Variants in WWOX observed in about 807,000 individuals in gnomAD.
The protein encoded by WWOX is WW domain-containing oxidoreductase.
In WWOX, 69 loss-of-function variants were observed where a neutral mutation model predicts 46.2. That is an observed-to-expected ratio of 1.49 (90% confidence interval 1.23 to 1.82). The LOEUF is 1.82. Among genes scored for constraint, WWOX ranks in the 40% most tolerant of loss-of-function variants. WWOX has a pLI of 0.00. For missense variants in WWOX, 919 were observed against 542.6 expected, an observed-to-expected ratio of 1.69 and a Z score of -6.89; for synonymous variants, 359 against 202.6, an observed-to-expected ratio of 1.77 and a Z score of -6.56.
rs115174427 is a variant in WWOX, at chr16:79,143,645, G to A, written c.1057-67963G>A. Among the ~76,000 whole-genome samples, 379 of 152,266 alleles carry A rather than the reference G, an allele frequency of 2.5e-3. 1 individual carries two copies. Among genetic ancestry groups the A allele is most frequent in the African/African-American group, 8.6e-3 (358 of 41,544 alleles). On this transcript the variant is annotated intron_variant, in intron 8 of 8. Coordinates refer to ENST00000566780, the MANE Select transcript of WWOX (RefSeq NM_016373.4). ...CAATAAATAGAGTATTCGCCAATAT[G>A]TATAGAGTGCCCATTATGTTTCACA...
intron 4 of WWOX, among the ~76,000 whole-genome samples, chr16:78,141,714 A>C (rs2033994386): frequency 6.6e-6 from 1 of 152,178 alleles, no homozygotes; most frequent in Non-Finnish European, 1.5e-5. Flanking sequence ...TTAGGAATAA[A>C]AATATGCATA....
At chr16:78,261,342 G>T (rs75109509) in intron 5 of WWOX, among the ~76,000 whole-genome samples, 1 of 150,584 alleles carries the variant, frequency 6.6e-6, no homozygotes, top group Non-Finnish European at 1.5e-5. Flanking sequence ...TACTTTTAAT[G>T]TATGGTAAGC....
rs556682239 is a variant in WWOX, at chr16:78,640,591, A to G, written c.1056+207839A>G. On this transcript the variant is annotated intron_variant, in intron 8 of 8. Transcript: ENST00000566780. ...AAACCACCATGGCACACATTTACCTATGTAACAAACCTACACATCCTGCAC... is the reference window on the plus strand; with the variant it reads ...AAACCACCATGGCACACATTTACCTGTGTAACAAACCTACACATCCTGCAC... 3.0e-4 allele frequency among the ~76,000 whole-genome samples: 46 copies of G among 152,230 alleles called. 1 individual carries two copies. The highest frequency in any genetic ancestry group is 8.3e-4 in the South Asian group (4 of 4,824).
At chr16:78,825,588 C>T in intron 8 of WWOX, 3 of 535,026 alleles carry the variant, frequency 5.6e-6, no homozygotes, top group East Asian at 5.0e-5. Flanking sequence ...CAGGTCGAGT[C>T]TGCAGTACAA....
intron 8 of WWOX, among the ~76,000 whole-genome samples, chr16:78,632,768 G>T (rs1460684286): frequency 6.6e-6 from 1 of 151,626 alleles, no homozygotes; most frequent in Admixed American, 6.6e-5. Flanking sequence ...ATGTTGGTCA[G>T]ACTGGTCTCG....
chr16:79,185,712 C>G (rs80343133), intron 8 of WWOX, among the ~76,000 whole-genome samples: 5 of 152,040 alleles, frequency 3.3e-5, no homozygotes, highest in Non-Finnish European at 7.4e-5. Context: ...TCTGTGTTGT[C>G]TTGAGAGCAG....
At chr16:78,265,067 C>T (rs1181056142) in intron 5 of WWOX, among the ~76,000 whole-genome samples, 3 of 145,406 alleles carry the variant, frequency 2.1e-5, no homozygotes, top group East Asian at 2.1e-4. Context: ...GTGGCACGAT[C>T]TCAGCTCACT....
chr16:78,762,492 T>C (rs1264228930), intron 8 of WWOX, among the ~76,000 whole-genome samples: 1 of 152,132 alleles, frequency 6.6e-6, no homozygotes, highest in African/African-American at 2.4e-5. Flanking sequence ...CAGCCTGTGG[T>C]GAGGCTGCAA....
At chr16:78,528,909 A>G (rs76178331) in intron 8 of WWOX, among the ~76,000 whole-genome samples, 7,399 of 151,694 alleles carry the variant, frequency 0.049, 337 homozygotes, top group African/African-American at 0.12. Context: ...GTTTAGAAAA[A>G]AACTTTCTTT....
intron 8 of WWOX, among the ~76,000 whole-genome samples, chr16:79,025,815 T>TTTTTTTTTTG (rs2047628442): frequency 2.0e-5 from 3 of 147,182 alleles, no homozygotes; most frequent in Admixed American, 6.8e-5. Context: ...TTTTTTTTTT[T>TTTTTTTTTTG]GAGACGGAGT....
chr16:78,962,922 A>T (rs559505097), intron 8 of WWOX, among the ~76,000 whole-genome samples: 4 of 152,016 alleles, frequency 2.6e-5, no homozygotes, highest in Admixed American at 2.6e-4. Flanking sequence ...TGCTTCTTTT[A>T]CTCCTCATTA....
intron 5 of WWOX, among the ~76,000 whole-genome samples, chr16:78,273,019 T>G (rs888190598): frequency 6.6e-6 from 1 of 152,186 alleles, no homozygotes; most frequent in African/African-American, 2.4e-5. Flanking sequence ...TTTATTTGTT[T>G]GTTTGTTTCT....
At chr16:78,300,073 C>A (rs1449567629) in intron 5 of WWOX, among the ~76,000 whole-genome samples, 1 of 152,126 alleles carries the variant, frequency 6.6e-6, no homozygotes, top group East Asian at 1.9e-4. Flanking sequence ...GTGCTTAAAA[C>A]AGAAAGAATT....
intron 4 of WWOX, among the ~76,000 whole-genome samples, chr16:78,153,015 G>T (rs2034470151): frequency 6.6e-6 from 1 of 152,166 alleles, no homozygotes; most frequent in Admixed American, 6.5e-5. Context: ...AAGCAGGGCT[G>T]GCTATGACTT....
intron 4 of WWOX, among the ~76,000 whole-genome samples, chr16:78,162,566 A>C (rs113785218): frequency 8.5e-5 from 13 of 152,290 alleles, no homozygotes; most frequent in African/African-American, 3.1e-4. Flanking sequence ...ACATTTATAC[A>C]TATACATGTC....
Position 78,553,932 on chromosome 16 carries a change from T to C in WWOX, c.1056+121180T>C, listed in dbSNP as rs565892713. Among the ~76,000 whole-genome samples the C allele has an allele frequency of 4.6e-5, 7 of 152,090 alleles. No homozygotes were observed. The South Asian group carries it at 1.5e-3, about 32-fold the overall frequency. ...CCACAGCTTGGTGCAGAGAGAAAAG[T>C]GTAGAAAGGTCGGGTGTCATACAGC... On this transcript the variant is annotated intron_variant, in intron 8 of 8. Transcript: ENST00000566780.
intron 8 of WWOX, among the ~76,000 whole-genome samples, chr16:78,808,643 A>C (rs992505760): frequency 1.2e-4 from 19 of 152,208 alleles, no homozygotes; most frequent in African/African-American, 4.1e-4. Flanking sequence ...ACAGAAAAAC[A>C]TGCCATCATC....
At chr16:79,130,338 A>G (rs1474158620) in intron 8 of WWOX, among the ~76,000 whole-genome samples, 2 of 152,210 alleles carry the variant, frequency 1.3e-5, no homozygotes, top group Admixed American at 1.3e-4. Flanking sequence ...TAAATATAAA[A>G]TAACATACAG....
chr16:79,153,039 C>T (rs1240804272), intron 8 of WWOX, among the ~76,000 whole-genome samples: 1 of 152,242 alleles, frequency 6.6e-6, no homozygotes, highest in Non-Finnish European at 1.5e-5. Flanking sequence ...GGCAAGGAGA[C>T]CTGCAGAGCG....
Sources: allele counts gnomAD v4.1 joint callset (sites outside exome capture counted in the v4.1 genomes callset), GRCh38; gene constraint gnomAD v4.1.1; transcripts MANE v1.5; gene names NCBI Gene and HGNC (gene_info 2026-07-23, HGNC 2026-07-21).